TMEM237: variants seen among roughly 807,000 people sequenced by gnomAD.
TMEM237 encodes the protein transmembrane protein 237.
TMEM237 carries 51 observed loss-of-function variants against 59.1 expected under a neutral mutation model. That is an observed-to-expected ratio of 0.86 (90% CI 0.69 to 1.09). The LOEUF (loss-of-function observed/expected upper bound fraction) is 1.09, where lower values mean the gene tolerates loss of function less well. Ranked by LOEUF, TMEM237 falls within the 50% of genes least tolerant of loss-of-function variation. TMEM237 has a pLI of 0.00. For synonymous variants in TMEM237, 140 were observed against 166.1 expected, an observed-to-expected ratio of 0.84 and a Z score of 1.21; for missense variants, 475 against 478.3, an observed-to-expected ratio of 0.99 and a Z score of 0.06.
intron 12 of TMEM237, among the ~76,000 whole-genome samples, chr2:201,625,112 C>T (rs1957746008): frequency 6.6e-6 from 1 of 152,124 alleles, no homozygotes; most frequent in Non-Finnish European, 1.5e-5. Context: ...GCCTTAATCC[C>T]AGCACTTTGG....
At position 201,640,914 on chromosome 2, in the gene TMEM237, C is replaced by T. The variant is rs749737508; in HGVS notation, c.53G>A (p.Arg18Gln). ...TTACCTTGGCACAGGTGGAAGAGCT[C>T]GTGGAGGACGCTGTGGCGGAAAAAA... Reference protein sequence around the residue: ...RLEEGHLRPPRALPPVPSQDD... With the variant: ...RLEEGHLRPPQALPPVPSQDD... Residue 18 changes from arginine (R) to glutamine (Q), a missense_variant, in exon 2 of 13, where the codon CGA becomes CAA. Transcript: ENST00000409883. 3 of 1,601,364 alleles carry T rather than the reference C, an allele frequency of 1.9e-6. No individual in the cohort carries two copies. The highest frequency in any genetic ancestry group is 2.2e-5 in the East Asian group (1 of 44,662).
At position 201,643,340 on chromosome 2, in the gene TMEM237, C is replaced by T; in HGVS notation, c.42+19G>A. 6.5e-7 allele frequency: 1 copy of T among 1,546,300 alleles called. No individual in the cohort carries two copies. The highest frequency in any genetic ancestry group is 8.7e-7 in the Non-Finnish European group (1 of 1,145,030). ...TTTACCCGCCACCTCTCGAGGCCGA[C>T]GCGCCCCTCGCCGCTCACCAGGTGG... On this transcript the variant is annotated intron_variant, in intron 1 of 12. Transcript: ENST00000409883. The surrounding 1 kb of genome is among the most constrained non-coding windows in gnomAD (Gnocchi z 4.3).
At position 201,628,867 on chromosome 2, in the gene TMEM237, G is replaced by A. The variant is rs530597194; in HGVS notation, c.869+363C>T. ...CCTCCAGACCCATAAGAGAATAAAT[G>A]TGCTGTTTTCAGCCAGCCAGTGTGT... On this transcript the variant is annotated intron_variant, in intron 9 of 12. Transcript: ENST00000409883. 4.6e-5 allele frequency among the ~76,000 whole-genome samples: 7 copies of A among 152,306 alleles called. No homozygotes were observed. The South Asian group carries it at 1.0e-3, about 23-fold the overall frequency.
At chr2:201,640,210 T>A in intron 3 of TMEM237, 51 bp downstream of exon 3, 1 of 1,482,380 alleles carries the variant, frequency 6.7e-7, no homozygotes, top group South Asian at 1.3e-5. Flanking sequence ...AACCAAGGAA[T>A]CAAACTAATT....
rs749132259 is a variant in TMEM237 at position 201,624,252 on chromosome 2, G to T, written c.*3C>A. On this transcript the variant is annotated 3_prime_UTR_variant, in exon 13 of 13. Coordinates refer to ENST00000409883, the MANE Select transcript of TMEM237 (RefSeq NM_001044385.3). ...TCATTATTCCTCCAAAGGTGAGCTG[G>T]TATTATGAAGAGGCTTTGATTTCTT... The T allele has an allele frequency of 3.7e-6, 6 of 1,609,998 alleles. No homozygotes were observed. The highest frequency in any genetic ancestry group is 1.1e-5 in the South Asian group (1 of 90,676).
intron 2 of TMEM237, 54 bp downstream of exon 2, chr2:201,640,839 C>T: frequency 1.4e-6 from 2 of 1,446,002 alleles, no homozygotes; most frequent in Admixed American, 2.0e-5. Context: ...TTTCCACTGT[C>T]TTCATTTTCC....
intron 1 of TMEM237, chr2:201,642,567 G>A (rs375589581): frequency 4.6e-5 from 74 of 1,597,982 alleles, no homozygotes; most frequent in Non-Finnish European, 5.6e-5. Flanking sequence ...CTCAACTGAA[G>A]ACAAAAATCC....
In TMEM237 at chr2:201,622,143, G is replaced by A. The variant is rs1214447194; in HGVS notation, c.*2112C>T. ...TCTGAAGTCTAAGTTGTACTTCCCA[G>A]ACCTGGAAGAATACAAAGGCAACTA... is the stretch of plus-strand genomic sequence containing the variant. On this transcript the variant is annotated 3_prime_UTR_variant, in exon 13 of 13. Transcript: ENST00000409883. 1 of 152,150 alleles carries A rather than the reference G, an allele frequency of 6.6e-6. No homozygotes were observed. Among genetic ancestry groups the A allele is most frequent in the Non-Finnish European group, 1.5e-5 (1 of 68,036 alleles). The allele number at this position is 152,150 out of a possible 1,614,324, so 9.4% of individuals were successfully genotyped here.
chr2:201,632,011 T>G, intron 7 of TMEM237, 40 bp downstream of exon 7: 1 of 1,604,936 alleles, frequency 6.2e-7, no homozygotes, highest in Non-Finnish European at 8.5e-7. Flanking sequence ...CTTGGACAAT[T>G]TTTAAAGAGT....
At chr2:201,641,425 T>C (rs1419202730) in intron 1 of TMEM237, among the ~76,000 whole-genome samples, 3 of 152,110 alleles carry the variant, frequency 2.0e-5, no homozygotes, top group Non-Finnish European at 2.9e-5. Context: ...ACATGGGCAA[T>C]TTAAAATTTG....
intron 4 of TMEM237, among the ~76,000 whole-genome samples, chr2:201,637,744 C>CAAAAAAAA (rs60167652): frequency 1.2e-3 from 73 of 63,394 alleles, no homozygotes; most frequent in African/African-American, 4.0e-3. Context: ...GACTCCGTCT[C>CAAAAAAAA]AAAAAAAAAA....
Position 201,624,011 on chromosome 2 carries a change from T to C in TMEM237, c.*244A>G. The stretch of plus-strand genomic sequence containing the variant: ...TTTTGAGAAAATAGGAAATAAACAC[T>C]TTCACTTGCTGGTTTCTAGTTCATT... On this transcript the variant is annotated 3_prime_UTR_variant, in exon 13 of 13. Coordinates refer to ENST00000409883, the MANE Select transcript of TMEM237 (RefSeq NM_001044385.3). 3.0e-6 allele frequency: 1 copy of C among 334,600 alleles called. No individual in the cohort carries two copies. Among genetic ancestry groups the C allele is most frequent in the Non-Finnish European group, 5.4e-6 (1 of 185,058 alleles). 20.7% of individuals were successfully genotyped at this position (334,600 alleles called of 1,614,324 possible).
intron 5 of TMEM237, chr2:201,634,779 A>C: frequency 3.0e-6 from 1 of 334,162 alleles, no homozygotes; most frequent in Non-Finnish European, 6.3e-6. Context: ...GCCCCCAGGC[A>C]CTGTGGCATC....
rs964332397 is a variant in TMEM237, at chr2:201,620,472, G to T, written c.*3783C>A. ...AGAGGGAGACTCTCTGAAAGAAAAT[G>T]ATGTTTATTCAGGAGTAGGCATTGC... On this transcript the variant is annotated 3_prime_UTR_variant, in exon 13 of 13. Transcript: ENST00000409883. 1 of 152,172 alleles carries T rather than the reference G, an allele frequency of 6.6e-6. No homozygotes were observed. The highest frequency in any genetic ancestry group is 2.4e-5 in the African/African-American group (1 of 41,434). The allele number at this position is 152,172 out of a possible 1,614,324, so 9.4% of individuals were successfully genotyped here. A position where few individuals can be genotyped will look rare whatever the true frequency, so the allele number is the denominator to read the frequency against.
rs1957812369 is a variant in TMEM237 at position 201,632,046 on chromosome 2, CT to C, written c.553+4del. 1 of 1,613,652 alleles carries C rather than the reference CT, an allele frequency of 6.2e-7. No individual in the cohort carries two copies. The highest frequency in any genetic ancestry group is 8.5e-7 in the Non-Finnish European group (1 of 1,179,694). On this transcript the variant is annotated splice_donor_region_variant and intron_variant, in intron 7 of 12. Transcript: ENST00000409883. The stretch of plus-strand genomic sequence containing the variant: ...TTCATATTCTAAAACAAGGCATCTA[CT>C]TACGGCTTTTTTCCACAAATACTTT...
rs1274020374 is a variant in TMEM237 at position 201,623,330 on chromosome 2, T to G, written c.*925A>C. On this transcript the variant is annotated 3_prime_UTR_variant, in exon 13 of 13. Coordinates refer to ENST00000409883, the MANE Select transcript of TMEM237 (RefSeq NM_001044385.3). The stretch of plus-strand genomic sequence containing the variant: ...ATACAACAGCTGAGGTACCATTGGA[T>G]ATAGTTCTGAAGAGATCTTTCCCAG... 3.2e-6 allele frequency: 1 copy of G among 316,340 alleles called. No homozygotes were observed. The highest frequency in any genetic ancestry group is 6.5e-6 in the Non-Finnish European group (1 of 154,730). The allele number at this position is 316,340 out of a possible 1,614,324, so 19.6% of individuals were successfully genotyped here. A position where few individuals can be genotyped will look rare whatever the true frequency, so the allele number is the denominator to read the frequency against.
intron 12 of TMEM237, among the ~76,000 whole-genome samples, chr2:201,625,355 C>A (rs1957749171): frequency 6.6e-6 from 1 of 151,410 alleles, no homozygotes; most frequent in Admixed American, 6.6e-5. Flanking sequence ...CAGCGAGACT[C>A]CATCTCCAAA....
intron 4 of TMEM237, among the ~76,000 whole-genome samples, chr2:201,638,286 A>C (rs1425456043): frequency 2.0e-5 from 3 of 152,252 alleles, no homozygotes; most frequent in African/African-American, 7.2e-5. Flanking sequence ...AGCAGCAACC[A>C]CAGAAACCTT....
intron 3 of TMEM237, 146 bp downstream of exon 3, chr2:201,640,115 A>G: frequency 1.6e-6 from 1 of 618,670 alleles, no homozygotes; most frequent in Non-Finnish European, 2.6e-6. Context: ...GACAATTTTT[A>G]AATGGTAGTC....
Sources: gnomAD v4.1 joint callset for allele counts (sites outside exome capture counted in the v4.1 genomes callset) on GRCh38, gnomAD v4.1.1 for gene constraint, Gnocchi (gnomAD v3.1) non-coding constraint, MANE v1.5 for transcripts, NCBI Gene and HGNC (gene_info 2026-07-23, HGNC 2026-07-21) for gene names.